GPM6A: variants seen among roughly 807,000 people sequenced by gnomAD.
GPM6A encodes the protein glycoprotein M6A.
Under a neutral mutation model 32.1 loss-of-function variants are expected in GPM6A, and 7 were observed. The ratio of observed to expected loss-of-function variants is 0.22; its 90% confidence interval spans 0.12 to 0.41. The LOEUF (loss-of-function observed/expected upper bound fraction) is 0.41, where lower values mean the gene tolerates loss of function less well. Ranked by LOEUF, GPM6A falls within the 10% of genes least tolerant of loss-of-function variation. GPM6A has a pLI of 1.00. For missense variants in GPM6A, 235 were observed against 347.2 expected (o/e 0.68, Z 2.57); for synonymous variants, 130 against 123.4 (o/e 1.05, Z -0.35).
At chr4:175,811,861 G>T in intron 1 of GPM6A, 1 of 196,622 alleles carries the variant, frequency 5.1e-6, no homozygotes, top group Non-Finnish European at 1.0e-5. Flanking sequence ...TCACACTAGG[G>T]ATCCCTTGAC....
At chr4:175,677,456 T>C (rs1033038402) in intron 2 of GPM6A, among the ~76,000 whole-genome samples, 1 of 152,108 alleles carries the variant, frequency 6.6e-6, no homozygotes, top group African/African-American at 2.4e-5. Flanking sequence ...GATTTTCTTG[T>C]AGAGGATTTG....
chr4:175,653,651 G>A (rs527909837), intron 3 of GPM6A, among the ~76,000 whole-genome samples: 41 of 152,104 alleles, frequency 2.7e-4, no homozygotes, highest in Middle Eastern at 3.4e-3. Context: ...ATTCCTTTTA[G>A]AATTATTTTA....
chr4:175,730,589 G>C (rs1048243269), intron 1 of GPM6A, among the ~76,000 whole-genome samples: 2 of 152,122 alleles, frequency 1.3e-5, no homozygotes, highest in African/African-American at 2.4e-5. Context: ...TCCTGCCTCA[G>C]CCTCCTGAGT....
chr4:175,790,731 T>C (rs955842950), intron 1 of GPM6A, among the ~76,000 whole-genome samples: 18 of 152,190 alleles, frequency 1.2e-4, no homozygotes, highest in African/African-American at 1.7e-4. Context: ...TTTTAAAAAG[T>C]CTTCATTTGA....
At chr4:176,001,632 C>T (rs1741484937) in intron 1 of GPM6A, among the ~76,000 whole-genome samples, 1 of 152,172 alleles carries the variant, frequency 6.6e-6, no homozygotes, top group African/African-American at 2.4e-5. Context: ...CTCCACCGTC[C>T]AGTGACCCGA....
At chr4:175,985,347 A>G (rs35682662) in intron 1 of GPM6A, among the ~76,000 whole-genome samples, 22,989 of 152,106 alleles carry the variant, frequency 0.15, 1,883 homozygotes, top group East Asian at 0.24. Context: ...ACTTTTTGCT[A>G]TTGTAAATTA....
chr4:175,867,422 G>A (rs1246199943), intron 1 of GPM6A, among the ~76,000 whole-genome samples: 1 of 151,770 alleles, frequency 6.6e-6, no homozygotes, highest in Non-Finnish European at 1.5e-5. Context: ...GTTTGAGTTC[G>A]TTTTTGTGAA....
chr4:175,718,811 C>A (rs1745972263), intron 1 of GPM6A, among the ~76,000 whole-genome samples: 1 of 152,050 alleles, frequency 6.6e-6, no homozygotes, highest in South Asian at 2.1e-4. Flanking sequence ...AGAATTGGAG[C>A]ATACTTAAAA....
chr4:175,837,837 G>T (rs1209065238), intron 1 of GPM6A, among the ~76,000 whole-genome samples: 2 of 152,006 alleles, frequency 1.3e-5, no homozygotes, highest in African/African-American at 4.8e-5. Context: ...CTTGGAGATC[G>T]CTATTTTTTT....
At chr4:175,943,456 C>T (rs1366843706) in intron 1 of GPM6A, among the ~76,000 whole-genome samples, 2 of 152,122 alleles carry the variant, frequency 1.3e-5, no homozygotes, top group Non-Finnish European at 2.9e-5. Flanking sequence ...CTGTCTTGTG[C>T]CGGTTTTCAA....
intron 1 of GPM6A, among the ~76,000 whole-genome samples, chr4:175,975,504 G>T (rs1240996118): frequency 2.0e-5 from 3 of 152,146 alleles, no homozygotes; most frequent in Non-Finnish European, 4.4e-5. Flanking sequence ...GTATATGATG[G>T]TCATTCAATC....
chr4:175,833,363 C>T (rs1229479306), intron 1 of GPM6A, among the ~76,000 whole-genome samples: 1 of 152,110 alleles, frequency 6.6e-6, no homozygotes. Context: ...CTCCTTACCA[C>T]CTGTAGGACT....
chr4:175,835,943 T>G (rs902321714), intron 1 of GPM6A, among the ~76,000 whole-genome samples: 12 of 151,654 alleles, frequency 7.9e-5, no homozygotes, highest in Non-Finnish European at 1.2e-4. Context: ...GGAAAGTTTT[T>G]TGTAGGTCTG....
intron 1 of GPM6A, among the ~76,000 whole-genome samples, chr4:175,790,949 A>G (rs1475727280): frequency 6.6e-6 from 1 of 152,186 alleles, no homozygotes; most frequent in Admixed American, 6.5e-5. Flanking sequence ...TATTTACTAT[A>G]TTTACAATTA....
intron 1 of GPM6A, among the ~76,000 whole-genome samples, chr4:175,729,163 A>T (rs1298342043): frequency 5.9e-5 from 9 of 152,236 alleles, no homozygotes; most frequent in Admixed American, 5.9e-4. Flanking sequence ...CTGTACCAGA[A>T]CAGTTTCTGG....
At chr4:175,848,038 C>T (rs1380375827) in intron 1 of GPM6A, among the ~76,000 whole-genome samples, 2 of 152,140 alleles carry the variant, frequency 1.3e-5, no homozygotes, top group East Asian at 3.9e-4. Context: ...TTCATTCTCT[C>T]CCAAGTTCAT....
At chr4:175,698,805 A>T (rs1744713944) in intron 2 of GPM6A, among the ~76,000 whole-genome samples, 1 of 152,188 alleles carries the variant, frequency 6.6e-6, no homozygotes, top group Non-Finnish European at 1.5e-5. Context: ...TTCACATTTA[A>T]TACATAATAT....
intron 4 of GPM6A, among the ~76,000 whole-genome samples, chr4:175,644,506 GATATA>G (rs923211489): frequency 2.0e-5 from 3 of 151,356 alleles, no homozygotes; most frequent in South Asian, 2.1e-4. Context: ...ATAACAAATA[GATATA>G]ATATATATTA....
chr4:175,744,987 CA>C (rs2111174136), intron 1 of GPM6A, among the ~76,000 whole-genome samples: 1 of 152,184 alleles, frequency 6.6e-6, no homozygotes, highest in South Asian at 2.1e-4. Context: ...GCCAGGTGCT[CA>C]ATTCATCTTT....
Sources: gnomAD v4.1 joint callset for allele counts (sites outside exome capture counted in the v4.1 genomes callset) on GRCh38, gnomAD v4.1.1 for gene constraint, MANE v1.5 for transcripts, NCBI Gene and HGNC (gene_info 2026-07-23, HGNC 2026-07-21) for gene names.